PRKCE: variants seen among roughly 807,000 people sequenced by gnomAD.
PRKCE encodes the protein protein kinase C epsilon type.
In PRKCE, 16 loss-of-function variants were observed where a neutral mutation model predicts 85.4. The observed-to-expected ratio is 0.19, with a 90% CI of 0.13 to 0.28. The LOEUF (loss-of-function observed/expected upper bound fraction) is 0.28, where lower values mean the gene tolerates loss of function less well. Among genes scored for constraint, PRKCE ranks in the 10% least tolerant of loss-of-function variants. The pLI is 1.00. For missense variants in PRKCE, 573 were observed against 975.2 expected (o/e 0.59, Z 5.49); for synonymous variants, 388 against 371.5 (o/e 1.04, Z -0.51).
intron 10 of PRKCE, among the ~76,000 whole-genome samples, chr2:46,055,463 T>C (rs72876178): frequency 0.15 from 23,496 of 152,220 alleles, 3,091 homozygotes; most frequent in African/African-American, 0.36. Context: ...TTCAATTCAA[T>C]CTCTCAGTCA....
At chr2:46,008,646 C>G (rs1705404584) in intron 9 of PRKCE, among the ~76,000 whole-genome samples, 1 of 152,142 alleles carries the variant, frequency 6.6e-6, no homozygotes, top group African/African-American at 2.4e-5. Flanking sequence ...CTCACCTGCC[C>G]CTATCTCACC....
chr2:45,946,376 C>T (rs933938735), intron 2 of PRKCE, among the ~76,000 whole-genome samples: 5 of 152,180 alleles, frequency 3.3e-5, no homozygotes, highest in Admixed American at 6.5e-5. Context: ...TTATAAATGA[C>T]CCAAGTCAGA....
chr2:46,113,717 T>C (rs1672482248), intron 11 of PRKCE, among the ~76,000 whole-genome samples: 1 of 152,214 alleles, frequency 6.6e-6, no homozygotes, highest in African/African-American at 2.4e-5. Context: ...ATGTAAGGGC[T>C]GCCACTTAGC....
intron 1 of PRKCE, chr2:45,676,297 A>G (rs1676445525): frequency 6.6e-6 from 1 of 152,198 alleles, no homozygotes; most frequent in African/African-American, 2.4e-5. Flanking sequence ...TGTTTCTTGT[A>G]ACTATTTGCC....
At chr2:45,840,534 C>G (rs112750592) in intron 1 of PRKCE, 1 of 152,148 alleles carries the variant, frequency 6.6e-6, no homozygotes, top group East Asian at 1.9e-4. Flanking sequence ...GATTTAAAAC[C>G]GAAGATCCCA....
intron 10 of PRKCE, among the ~76,000 whole-genome samples, chr2:46,047,499 T>C (rs1315779378): frequency 6.6e-6 from 1 of 152,224 alleles, no homozygotes; most frequent in Non-Finnish European, 1.5e-5. Context: ...CGCAGTGCTG[T>C]GTGGTCAGTG....
chr2:46,089,382 C>T (rs1558441859), intron 11 of PRKCE, among the ~76,000 whole-genome samples: 1 of 152,198 alleles, frequency 6.6e-6, no homozygotes, highest in Non-Finnish European at 1.5e-5. Flanking sequence ...CAGCCTTCTC[C>T]CTTCTTCCCT....
At chr2:45,860,130 C>CAGA (rs1414912801) in intron 2 of PRKCE, among the ~76,000 whole-genome samples, 2 of 152,170 alleles carry the variant, frequency 1.3e-5, no homozygotes, top group Non-Finnish European at 2.9e-5. Context: ...GGACAAGAAT[C>CAGA]TTATCTAAGT....
chr2:45,865,319 A>G (rs1693503207), intron 2 of PRKCE, among the ~76,000 whole-genome samples: 1 of 152,192 alleles, frequency 6.6e-6, no homozygotes, highest in African/African-American at 2.4e-5. Context: ...GGAGAAAAAA[A>G]GAGTCATACC....
intron 2 of PRKCE, among the ~76,000 whole-genome samples, chr2:45,855,592 C>T (rs1474776285): frequency 6.6e-6 from 1 of 152,162 alleles, no homozygotes; most frequent in African/African-American, 2.4e-5. Context: ...ACAGGTCCAT[C>T]TGGGAGAAAG....
chr2:45,874,849 T>G (rs993298597), intron 2 of PRKCE, among the ~76,000 whole-genome samples: 7 of 152,160 alleles, frequency 4.6e-5, no homozygotes, highest in Non-Finnish European at 8.8e-5. Context: ...TGGGGATATT[T>G]GGGAATGAAG....
chr2:46,028,149 C>T (rs1024641925), intron 10 of PRKCE, among the ~76,000 whole-genome samples: 4 of 152,110 alleles, frequency 2.6e-5, no homozygotes, highest in African/African-American at 9.7e-5. Flanking sequence ...GCCATGCTGG[C>T]CAGGCCGGTC....
intron 11 of PRKCE, among the ~76,000 whole-genome samples, chr2:46,114,407 C>CTTTT (rs36107970): frequency 2.1e-5 from 1 of 47,682 alleles, no homozygotes; most frequent in African/African-American, 9.9e-5. Context: ...GAGTCCAAGG[C>CTTTT]TTTTTTTTTT....
intron 10 of PRKCE, among the ~76,000 whole-genome samples, chr2:46,039,633 G>A (rs1708104322): frequency 6.6e-6 from 1 of 152,138 alleles, no homozygotes; most frequent in Admixed American, 6.5e-5. Flanking sequence ...CAGGGTCTAA[G>A]TTAGATCTTT....
chr2:45,952,266 A>G (rs13418985), intron 2 of PRKCE, among the ~76,000 whole-genome samples: 10,764 of 152,272 alleles, frequency 0.071, 814 homozygotes, highest in East Asian at 0.34. Context: ...TGGTCGGCAA[A>G]AGAGCCCAGG....
chr2:45,666,374 C>G (rs1041459567), intron 1 of PRKCE, among the ~76,000 whole-genome samples: 9 of 151,962 alleles, frequency 5.9e-5, no homozygotes, highest in Non-Finnish European at 1.2e-4. Flanking sequence ...CCCCAGTTGC[C>G]TACATAGTGA....
At chr2:45,985,164 A>G (rs1199004644) in intron 6 of PRKCE, among the ~76,000 whole-genome samples, 1 of 152,150 alleles carries the variant, frequency 6.6e-6, no homozygotes, top group African/African-American at 2.4e-5. Context: ...CATAGGGGAT[A>G]TTATTCCCAT....
chr2:45,978,211 A>T (rs41305588), intron 3 of PRKCE: 1 of 152,226 alleles, frequency 6.6e-6, no homozygotes, highest in Non-Finnish European at 1.5e-5. Context: ...GGTCGGTCTT[A>T]CAGATCCAGG....
intron 2 of PRKCE, among the ~76,000 whole-genome samples, chr2:45,855,972 C>T (rs931909343): frequency 2.0e-5 from 3 of 151,832 alleles, no homozygotes; most frequent in East Asian, 1.9e-4. Flanking sequence ...TTGAAGTCTC[C>T]GTGTGCATTA....
Sources: allele counts gnomAD v4.1 joint callset (sites outside exome capture counted in the v4.1 genomes callset), GRCh38; gene constraint gnomAD v4.1.1; transcripts MANE v1.5; gene names NCBI Gene and HGNC (gene_info 2026-07-23, HGNC 2026-07-21).